RPS6KA1: variants seen among roughly 807,000 people sequenced by gnomAD.
The protein encoded by RPS6KA1 is ribosomal protein S6 kinase alpha-1.
A neutral mutation model predicts 91.3 loss-of-function variants in RPS6KA1; 48 were observed. That is an observed-to-expected ratio of 0.53 (90% CI 0.42 to 0.67). RPS6KA1 has a LOEUF of 0.67. RPS6KA1 is among the 30% of genes least tolerant of loss of function. The pLI, the probability that RPS6KA1 is intolerant of heterozygous loss-of-function variation, is 0.00. For synonymous variants in RPS6KA1, 359 were observed against 384.7 expected, an observed-to-expected ratio of 0.93 and a Z score of 0.78; for missense variants, 719 against 960.5, an observed-to-expected ratio of 0.75 and a Z score of 3.32.
intron 4 of RPS6KA1, among the ~76,000 whole-genome samples, chr1:26,548,865 T>A (rs1299154404): frequency 6.6e-6 from 1 of 151,082 alleles, no homozygotes; most frequent in Admixed American, 6.6e-5. Context: ...GTGTGGTCCT[T>A]GTCATGTCTA....
In RPS6KA1 at chr1:26,571,593, A is replaced by C. The variant is rs1180825034; in HGVS notation, c.1735A>C (p.Asn579His). The C allele has an allele frequency of 6.2e-7, 1 of 1,614,124 alleles. No homozygotes were observed. Among genetic ancestry groups the C allele is most frequent in the Admixed American group, 1.7e-5 (1 of 59,994 alleles). Reference sequence around the variant, plus strand: ...CCTCATGACACCTTGCTACACAGCCAACTTTGTGGCGCCTGAGGTGAGTGG... The same window carrying C: ...CCTCATGACACCTTGCTACACAGCCCACTTTGTGGCGCCTGAGGTGAGTGG... ...GLLMTPCYTA[N>H]FVAPEVLKRQ... Residue 579 changes from asparagine (N) to histidine (H), a missense_variant, in exon 18 of 22, where the codon AAC becomes CAC. Around this residue, in one of 5 missense-constraint regions of RPS6KA1, gnomAD observed 249 missense variants for 323.1 expected, o/e 0.77. Coordinates refer to ENST00000374168, the MANE Select transcript of RPS6KA1 (RefSeq NM_002953.4). The surrounding 1 kb of genome is among the most constrained non-coding windows in gnomAD (Gnocchi z 5.1).
chr1:26,555,418 A>G lies in RPS6KA1; in HGVS notation c.828-119A>G. 1 of 1,116,784 alleles carries G rather than the reference A, an allele frequency of 9.0e-7. No individual in the cohort carries two copies. Among genetic ancestry groups the G allele is most frequent in the Middle Eastern group, 2.0e-4 (1 of 5,050 alleles). The allele number at this position is 1,116,784 out of a possible 1,614,324, so 69.2% of individuals were successfully genotyped here. A position where few individuals can be genotyped will look rare whatever the true frequency, so the allele number is the denominator to read the frequency against. Reference sequence around the variant, plus strand: ...GGGTAGGATCCCTGAAGCCTTTGGGAAGTGAATTAGTGGATGGCTTGTCTA... The same window carrying G: ...GGGTAGGATCCCTGAAGCCTTTGGGGAGTGAATTAGTGGATGGCTTGTCTA... On this transcript the variant is annotated intron_variant, in intron 10 of 21. Coordinates refer to ENST00000374168, the MANE Select transcript of RPS6KA1 (RefSeq NM_002953.4). The surrounding 1 kb of genome is among the most constrained non-coding windows in gnomAD (Gnocchi z 4.3).
chr1:26,572,463 C>T (rs374146352), intron 20 of RPS6KA1, among the ~76,000 whole-genome samples, 170 bp downstream of exon 20: 1 of 151,928 alleles, frequency 6.6e-6, no homozygotes, highest in African/African-American at 2.4e-5. Context: ...CCACCACCTC[C>T]GTACCTTGTT....
Position 26,536,675 on chromosome 1 carries a change from C to T in RPS6KA1, c.64-250C>T, listed in dbSNP as rs554554035. 1.7e-4 allele frequency among the ~76,000 whole-genome samples: 26 copies of T among 152,340 alleles called. No homozygotes were observed. The South Asian group carries it at 2.5e-3, about 15-fold the overall frequency. ...AGAGATGAAGTGTTTGCCAGGCAGACAGCATGAGGGTCAGAATGCTGGTCC... is the reference window on the plus strand; with the variant it reads ...AGAGATGAAGTGTTTGCCAGGCAGATAGCATGAGGGTCAGAATGCTGGTCC... On this transcript the variant is annotated intron_variant, in intron 1 of 21. Transcript: ENST00000374168.
In RPS6KA1 at chr1:26,561,360, C is replaced by G; in HGVS notation, c.1432-145C>G. ...ATCAGGAGACCAGTGTCAGCATCCT[C>G]CTTTTGGGGAAGGCAGGACCACTGA... On this transcript the variant is annotated intron_variant, in intron 16 of 21. Coordinates refer to ENST00000374168, the MANE Select transcript of RPS6KA1 (RefSeq NM_002953.4). The surrounding 1 kb of genome is among the most constrained non-coding windows in gnomAD (Gnocchi z 5.7). 1 of 1,094,422 alleles carries G rather than the reference C, an allele frequency of 9.1e-7. No homozygotes were observed. Among genetic ancestry groups the G allele is most frequent in the Non-Finnish European group, 1.3e-6 (1 of 742,092 alleles). The allele number at this position is 1,094,422 out of a possible 1,614,324, so 67.8% of individuals were successfully genotyped here. A position where few individuals can be genotyped will look rare whatever the true frequency, so the allele number is the denominator to read the frequency against.
intron 2 of RPS6KA1, among the ~76,000 whole-genome samples, chr1:26,544,537 C>T (rs2075975288): frequency 2.0e-5 from 3 of 151,184 alleles, no homozygotes; most frequent in African/African-American, 4.9e-5. Flanking sequence ...TGCGGTGGTG[C>T]GATCTTGGCT....
Position 26,551,329 on chromosome 1 carries a change from AGCGGGG to A in RPS6KA1, c.308-65_308-60del. ...GGAACAAGTGGAAAAGAGATCCCTT[AGCGGGG>A]GCTTGGGAGTGGCTGTGTTGAGTGT... On this transcript the variant is annotated intron_variant, in intron 4 of 21. Transcript: ENST00000374168. This position sits in a 1 kb window ranked among gnomAD's most constrained non-coding sequence, Gnocchi z 4.5. 7.3e-7 allele frequency: 1 copy of A among 1,378,542 alleles called. No homozygotes were observed. The highest frequency in any genetic ancestry group is 1.0e-6 in the Non-Finnish European group (1 of 968,678). 85.4% of individuals were successfully genotyped at this position (1,378,542 alleles called of 1,614,324 possible).
In RPS6KA1 at chr1:26,537,038, G is replaced by A. The variant is rs980081271; in HGVS notation, c.108+69G>A. ...TCCTGTTTGCATGGCTTTGGAGGAG[G>A]TTGAGGGCTCCAGCCTCTAGCCCCT... is the stretch of plus-strand genomic sequence containing the variant. On this transcript the variant is annotated intron_variant, in intron 2 of 21. Transcript: ENST00000374168. The A allele has an allele frequency of 9.7e-6, 15 of 1,538,626 alleles. No individual in the cohort carries two copies. The South Asian group carries it at 1.7e-4, about 17-fold the overall frequency.
intron 1 of RPS6KA1, chr1:26,530,880 A>C: frequency 7.8e-7 from 1 of 1,277,184 alleles, no homozygotes; most frequent in Non-Finnish European, 1.0e-6. Context: ...TTCCTCCTTA[A>C]CCTCTTGCTG....
At chr1:26,564,207 G>T (rs183901824) in intron 17 of RPS6KA1, among the ~76,000 whole-genome samples, 16 of 152,264 alleles carry the variant, frequency 1.1e-4, no homozygotes, top group Non-Finnish European at 2.1e-4. Flanking sequence ...ATCCACGAGT[G>T]CACAGTGTCA....
At chr1:26,556,919 C>G in intron 12 of RPS6KA1, 79 bp from the exon 13 acceptor site, 1 of 1,275,292 alleles carries the variant, frequency 7.8e-7, no homozygotes, top group Non-Finnish European at 1.1e-6. Context: ...GTTCCAAGCC[C>G]AGCACCTCCT....
At chr1:26,545,853 C>T (rs1431381789) in intron 2 of RPS6KA1, 1 of 1,528,554 alleles carries the variant, frequency 6.5e-7, no homozygotes, top group Non-Finnish European at 8.8e-7. Context: ...CTGCGGCAGC[C>T]CCGGACTCTG....
At chr1:26,543,125 G>A (rs927506813) in intron 2 of RPS6KA1, 1 of 1,535,058 alleles carries the variant, frequency 6.5e-7, no homozygotes, top group Non-Finnish European at 8.7e-7. Context: ...AGTAGGAAGA[G>A]TAACGGGGCC....
chr1:26,546,667 G>A (rs537208972), intron 2 of RPS6KA1, among the ~76,000 whole-genome samples, 200 bp from the exon 3 acceptor site: 5 of 152,320 alleles, frequency 3.3e-5, no homozygotes, highest in Admixed American at 2.0e-4. Context: ...CAATAGGAGC[G>A]GTGCCTGTTC....
intron 2 of RPS6KA1, chr1:26,543,250 G>A (rs767828095): frequency 3.3e-5 from 49 of 1,481,064 alleles, no homozygotes; most frequent in Middle Eastern, 3.4e-4. Flanking sequence ...TGCCTCCAGC[G>A]GTGTCTGTCA....
At position 26,561,807 on chromosome 1, in the gene RPS6KA1, C is replaced by T. The variant is rs992138138; in HGVS notation, c.1590+144C>T. On this transcript the variant is annotated intron_variant, in intron 17 of 21. Coordinates refer to ENST00000374168, the MANE Select transcript of RPS6KA1 (RefSeq NM_002953.4). This position sits in a 1 kb window ranked among gnomAD's most constrained non-coding sequence, Gnocchi z 5.7. ...CTAGGGCTGGGTGGGTGGATGCGTG[C>T]AAAGGAAGGAGGGAGAGATGTGGCC... is the stretch of plus-strand genomic sequence containing the variant. 3 of 764,974 alleles carry T rather than the reference C, an allele frequency of 3.9e-6. No homozygotes were observed. The highest frequency in any genetic ancestry group is 3.6e-5 in the South Asian group (2 of 55,302). The allele number at this position is 764,974 out of a possible 1,614,324, so 47.4% of individuals were successfully genotyped here. A position where few individuals can be genotyped will look rare whatever the true frequency, so the allele number is the denominator to read the frequency against.
At chr1:26,569,584 C>T (rs544051158) in intron 17 of RPS6KA1, among the ~76,000 whole-genome samples, 31 of 152,274 alleles carry the variant, frequency 2.0e-4, no homozygotes, top group Admixed American at 1.6e-3. Flanking sequence ...ACGGGCTCCA[C>T]GGGCATTGCT....
chr1:26,571,670 C>G lies in RPS6KA1; in HGVS notation c.1752+60C>G. The G allele has an allele frequency of 6.3e-7, 1 of 1,576,050 alleles. No individual in the cohort carries two copies. The highest frequency in any genetic ancestry group is 1.8e-5 in the Admixed American group (1 of 56,234). Reference sequence around the variant, plus strand: ...GGGGGAATTGGAGGCCTTGTGCCCCCTCCCAGAGGCCCCACATTAGCCGGG... The same window carrying G: ...GGGGGAATTGGAGGCCTTGTGCCCCGTCCCAGAGGCCCCACATTAGCCGGG... On this transcript the variant is annotated intron_variant, in intron 18 of 21. Coordinates refer to ENST00000374168, the MANE Select transcript of RPS6KA1 (RefSeq NM_002953.4). This position sits in a 1 kb window ranked among gnomAD's most constrained non-coding sequence, Gnocchi z 5.1.
intron 17 of RPS6KA1, among the ~76,000 whole-genome samples, chr1:26,569,786 C>T (rs1193977630): frequency 1.3e-5 from 2 of 152,170 alleles, no homozygotes; most frequent in African/African-American, 4.8e-5. Context: ...TGAAGGTGAA[C>T]GGGCATTCCA....
Sources: allele counts gnomAD v4.1 joint callset (sites outside exome capture counted in the v4.1 genomes callset), GRCh38; gene constraint gnomAD v4.1.1; regional missense constraint gnomAD v4.1.1; non-coding constraint Gnocchi (gnomAD v3.1); transcripts MANE v1.5; gene names NCBI Gene and HGNC (gene_info 2026-07-23, HGNC 2026-07-21).